RIN2: variants seen among roughly 807,000 people sequenced by gnomAD.
The protein encoded by RIN2 is RAB5 interacting protein 2.
A neutral mutation model predicts 78.0 loss-of-function variants in RIN2; 36 were observed. That is an observed-to-expected ratio of 0.46 (90% CI 0.35 to 0.61). RIN2 has a LOEUF of 0.61. Among genes scored for constraint, RIN2 ranks in the 20% least tolerant of loss-of-function variants. The probability of loss-of-function intolerance (pLI) is 0.00; values close to 1 mark genes in which losing one functional copy is unlikely to be tolerated. For synonymous variants in RIN2, 466 were observed against 466.8 expected, an observed-to-expected ratio of 1.00 and a Z score of 0.02; for missense variants, 1,087 against 1,159.7, an observed-to-expected ratio of 0.94 and a Z score of 0.91.
chr20:19,868,851 G>T (rs1178164136), intron 2 of RIN2, among the ~76,000 whole-genome samples: 1 of 152,024 alleles, frequency 6.6e-6, no homozygotes, highest in African/African-American at 2.4e-5. Flanking sequence ...GAGGCCAAGG[G>T]GGGTGGATCA....
chr20:19,900,345 G>T (rs999437069), intron 3 of RIN2, among the ~76,000 whole-genome samples: 1 of 151,942 alleles, frequency 6.6e-6, no homozygotes, highest in Non-Finnish European at 1.5e-5. Context: ...TTAGTCAGGC[G>T]TGGTGGTGCA....
chr20:19,847,002 G>A (rs2036806631), intron 2 of RIN2, among the ~76,000 whole-genome samples: 1 of 152,162 alleles, frequency 6.6e-6, no homozygotes, highest in South Asian at 2.1e-4. Flanking sequence ...TTTGTAAGTA[G>A]TATCTCTTAA....
At chr20:19,937,894 G>T (rs1389381075) in intron 4 of RIN2, among the ~76,000 whole-genome samples, 5 of 152,268 alleles carry the variant, frequency 3.3e-5, no homozygotes. Flanking sequence ...TACTACTGTG[G>T]TTTGTTGCCT....
intron 2 of RIN2, among the ~76,000 whole-genome samples, chr20:19,876,080 G>C (rs926317626): frequency 4.6e-5 from 7 of 152,208 alleles, no homozygotes; most frequent in Non-Finnish European, 7.3e-5. Flanking sequence ...GTCTGCACTG[G>C]AAGCTAAATT....
At chr20:19,911,706 C>T (rs1420476897) in intron 3 of RIN2, among the ~76,000 whole-genome samples, 2 of 149,592 alleles carry the variant, frequency 1.3e-5, no homozygotes, top group Non-Finnish European at 2.9e-5. Flanking sequence ...ATTCTTTGGC[C>T]TCCAAATGGT....
At chr20:19,829,332 A>G (rs2036184952) in intron 2 of RIN2, among the ~76,000 whole-genome samples, 1 of 152,138 alleles carries the variant, frequency 6.6e-6, no homozygotes, top group African/African-American at 2.4e-5. Flanking sequence ...CTTTGGGGGC[A>G]TGATAGGAGA....
chr20:19,907,448 C>T (rs1398310689), intron 3 of RIN2, among the ~76,000 whole-genome samples: 1 of 152,208 alleles, frequency 6.6e-6, no homozygotes, highest in Admixed American at 6.5e-5. Flanking sequence ...GGCTCCCAGC[C>T]AAACCCTCAG....
At chr20:19,889,465 C>G (rs560359357) in intron 2 of RIN2, 101 bp from the exon 3 acceptor site, 2 of 1,244,788 alleles carry the variant, frequency 1.6e-6, no homozygotes, top group Middle Eastern at 1.9e-4. Flanking sequence ...GTGTTGTTGA[C>G]GGAAAAAGAT....
intron 6 of RIN2, among the ~76,000 whole-genome samples, chr20:19,963,377 G>GCTGAGGTGGGCGGATCGC (rs1473357842): frequency 6.6e-6 from 1 of 152,186 alleles, no homozygotes; most frequent in Non-Finnish European, 1.5e-5. Flanking sequence ...ACTTTGGGAG[G>GCTGAGGTGGGCGGATCGC]CTGAGGTGGG....
At chr20:19,965,757 G>A (rs1241654169) in intron 7 of RIN2, among the ~76,000 whole-genome samples, 3 of 151,962 alleles carry the variant, frequency 2.0e-5, no homozygotes, top group African/African-American at 7.3e-5. Flanking sequence ...GATTACAGGC[G>A]CCTACCACTA....
chr20:19,813,355 T>C (rs1171388978), intron 2 of RIN2, among the ~76,000 whole-genome samples: 1 of 152,266 alleles, frequency 6.6e-6, no homozygotes, highest in Non-Finnish European at 1.5e-5. Flanking sequence ...GGCTTGTACT[T>C]CATGGCTTCT....
intron 2 of RIN2, among the ~76,000 whole-genome samples, chr20:19,853,274 G>T (rs562019642): frequency 1.7e-4 from 26 of 151,986 alleles, no homozygotes; most frequent in Non-Finnish European, 3.4e-4. Flanking sequence ...TCTTAATCCA[G>T]TCTATCATTG....
At chr20:19,887,968 G>A (rs1186745164) in intron 2 of RIN2, among the ~76,000 whole-genome samples, 1 of 152,052 alleles carries the variant, frequency 6.6e-6, no homozygotes. Context: ...CCCTAGTTCT[G>A]AGCATGGCAC....
intron 3 of RIN2, among the ~76,000 whole-genome samples, chr20:19,927,248 G>T (rs144882090): frequency 1.4e-4 from 22 of 152,264 alleles, no homozygotes; most frequent in Non-Finnish European, 2.8e-4. Flanking sequence ...GAGATAATTT[G>T]TTACTTATTT....
At chr20:19,765,836 ATGT>A (rs2033861266) in intron 1 of RIN2, among the ~76,000 whole-genome samples, 1 of 151,884 alleles carries the variant, frequency 6.6e-6, no homozygotes, top group African/African-American at 2.4e-5. Context: ...TGCTAGACTA[ATGT>A]TGTTGAAGGA....
intron 3 of RIN2, among the ~76,000 whole-genome samples, chr20:19,911,055 A>C (rs908198557): frequency 2.2e-5 from 3 of 135,944 alleles, no homozygotes; most frequent in Non-Finnish European, 4.6e-5. Context: ...TAAATATGTA[A>C]ATTTTTTTTT....
chr20:19,819,862 A>AGC (rs1407240511), intron 2 of RIN2, among the ~76,000 whole-genome samples: 1 of 152,222 alleles, frequency 6.6e-6, no homozygotes, highest in Non-Finnish European at 1.5e-5. Context: ...AAAAGGCAAA[A>AGC]GCATATAGCT....
At position 19,903,394 on chromosome 20, in the gene RIN2, T is replaced by C. The variant is rs2039074009; in HGVS notation, c.57+13736T>C. On this transcript the variant is annotated intron_variant, in intron 3 of 12. Transcript: ENST00000255006. ...AGACCTGTTCCCTAGTGGCCTTGAA[T>C]AGTTGGTGTTTACATTGTGTCTGTG... Among the ~76,000 whole-genome samples the C allele has an allele frequency of 1.3e-5, 2 of 152,188 alleles. 1 individual carries two copies. Among genetic ancestry groups the C allele is most frequent in the South Asian group, 4.1e-4 (2 of 4,832 alleles).
chr20:19,930,815 A>G (rs1278153442), intron 3 of RIN2, among the ~76,000 whole-genome samples: 1 of 152,140 alleles, frequency 6.6e-6, no homozygotes, highest in Non-Finnish European at 1.5e-5. Context: ...TTCCATTTTC[A>G]TACACACCAC....
Sources: gnomAD v4.1 joint callset for allele counts (sites outside exome capture counted in the v4.1 genomes callset) on GRCh38, gnomAD v4.1.1 for gene constraint, MANE v1.5 for transcripts, NCBI Gene and HGNC (gene_info 2026-07-23, HGNC 2026-07-21) for gene names.